VPS13C: variants seen among roughly 807,000 people sequenced by gnomAD.
VPS13C encodes vacuolar protein sorting 13 homolog C.
In VPS13C, 358 loss-of-function variants were observed where a neutral mutation model predicts 456.8. That is an observed-to-expected ratio of 0.78 (90% CI 0.72 to 0.86). The LOEUF (loss-of-function observed/expected upper bound fraction) is 0.86, where lower values mean the gene tolerates loss of function less well. Ranked by LOEUF, VPS13C falls within the 40% of genes least tolerant of loss-of-function variation. The pLI, the probability that VPS13C is intolerant of heterozygous loss-of-function variation, is 0.00. For missense variants in VPS13C, 4,818 were observed against 4,385.4 expected (o/e 1.10, Z -2.79); for synonymous variants, 1,578 against 1,486.7 (o/e 1.06, Z -1.41).
At chr15:62,031,624 TAA>T (rs1249431380) in intron 5 of VPS13C, among the ~76,000 whole-genome samples, 3 of 152,008 alleles carry the variant, frequency 2.0e-5, no homozygotes, top group African/African-American at 7.2e-5. Flanking sequence ...AACTGAGTGT[TAA>T]AAGAGTTTCA....
intron 66 of VPS13C, among the ~76,000 whole-genome samples, chr15:61,897,150 G>GA (rs1291982532): frequency 1.3e-5 from 2 of 152,088 alleles, no homozygotes; most frequent in Admixed American, 6.5e-5. Context: ...CAAAGATGGG[G>GA]AAAAAACAGA....
rs915231993 is a variant in VPS13C, at chr15:61,978,476, A to G, written c.2290+150T>C. 3.4e-6 allele frequency: 3 copies of G among 874,390 alleles called. No homozygotes were observed. The African/African-American group carries it at 5.2e-5, about 15-fold the overall frequency. The allele number at this position is 874,390 out of a possible 1,614,324, so 54.2% of individuals were successfully genotyped here. A position where few individuals can be genotyped will look rare whatever the true frequency, so the allele number is the denominator to read the frequency against. The stretch of plus-strand genomic sequence containing the variant: ...ATAAATGTTGTAGTAATTTACACTG[A>G]TAGTGTCCTACATGGTTTATTTAAG... On this transcript the variant is annotated intron_variant, in intron 23 of 84. Transcript: ENST00000644861.
In VPS13C at chr15:62,041,795, G is replaced by C. The variant is rs188384199; in HGVS notation, c.145-429C>G. Among the ~76,000 whole-genome samples the C allele has an allele frequency of 7.6e-4, 116 of 152,100 alleles. No individual in the cohort carries two copies. In the Middle Eastern group the frequency reaches 0.01, roughly 13 times the overall value. The stretch of plus-strand genomic sequence containing the variant: ...GGATCGCGCCACTGCACTCCAGCCT[G>C]GGTGACAAGACAAAACTCTGTCTCA... On this transcript the variant is annotated intron_variant, in intron 2 of 84. Coordinates refer to ENST00000644861, the MANE Select transcript of VPS13C (RefSeq NM_020821.3).
At chr15:61,961,565 T>A in intron 35 of VPS13C, 24 bp downstream of exon 35, 3 of 1,518,900 alleles carry the variant, frequency 2.0e-6, no homozygotes, top group South Asian at 1.3e-5. Context: ...AATATTTAAA[T>A]CCATAATTAT....
intron 50 of VPS13C, among the ~76,000 whole-genome samples, chr15:61,930,219 C>G (rs374636543): frequency 6.6e-6 from 1 of 152,200 alleles, no homozygotes; most frequent in East Asian, 1.9e-4. Context: ...CAATACAACT[C>G]AAATCATCAA....
chr15:62,030,910 A>G (rs528443488), intron 5 of VPS13C, among the ~76,000 whole-genome samples: 130 of 152,188 alleles, frequency 8.5e-4, no homozygotes, highest in African/African-American at 2.9e-3. Context: ...ATTTTGGCAA[A>G]ACTATTGATT....
chr15:61,925,351 T>C (rs2043813431), intron 53 of VPS13C, 105 bp downstream of exon 53: 1 of 549,636 alleles, frequency 1.8e-6, no homozygotes, highest in African/African-American at 1.9e-5. Flanking sequence ...ACTAGCATAA[T>C]GCTTGAGTTA....
rs28721460 is a variant in VPS13C at position 61,991,866 on chromosome 15, C to T, written c.1354-64G>A. The T allele has an allele frequency of 0.034, 50,845 of 1,516,984 alleles. 1,734 individuals are homozygous for T. Among genetic ancestry groups the T allele is most frequent in the African/African-American group, 0.17 (12,085 of 70,120 alleles). The allele number at this position is 1,516,984 out of a possible 1,614,324, so 94.0% of individuals were successfully genotyped here. A position where few individuals can be genotyped will look rare whatever the true frequency, so the allele number is the denominator to read the frequency against. On this transcript the variant is annotated intron_variant, in intron 16 of 84. Coordinates refer to ENST00000644861, the MANE Select transcript of VPS13C (RefSeq NM_020821.3). Reference sequence around the variant, plus strand: ...TGCCCTCTTCATTTTCAGGTGTAGCCTGGGAAAAAAAAACAATGGTTCTTT... The same window carrying T: ...TGCCCTCTTCATTTTCAGGTGTAGCTTGGGAAAAAAAAACAATGGTTCTTT...
At chr15:61,995,321 G>A (rs768895307) in intron 16 of VPS13C, among the ~76,000 whole-genome samples, 4 of 152,168 alleles carry the variant, frequency 2.6e-5, no homozygotes, top group Admixed American at 6.6e-5. Context: ...AGAGTGACCT[G>A]CACAAGACTG....
intron 52 of VPS13C, among the ~76,000 whole-genome samples, chr15:61,925,851 A>T (rs953900330): frequency 1.3e-5 from 2 of 152,230 alleles, no homozygotes; most frequent in Non-Finnish European, 2.9e-5. Flanking sequence ...TAGTTTTTAA[A>T]TGATGGCCTC....
intron 27 of VPS13C, among the ~76,000 whole-genome samples, chr15:61,971,021 C>T (rs542393629): frequency 6.6e-6 from 1 of 152,136 alleles, no homozygotes; most frequent in African/African-American, 2.4e-5. Flanking sequence ...TTTTCCAGTA[C>T]CTAAAATAAT....
At chr15:61,938,797 G>A (rs530100074) in intron 47 of VPS13C, among the ~76,000 whole-genome samples, 3 of 152,140 alleles carry the variant, frequency 2.0e-5, no homozygotes, top group South Asian at 2.1e-4. Flanking sequence ...CAGAAGCCCC[G>A]TGTGTACTTC....
At position 61,884,163 on chromosome 15, in the gene VPS13C, C is replaced by G. The variant is rs1423701715; in HGVS notation, c.9448G>C (p.Asp3150His). Residue 3150 changes from aspartate to histidine, a missense_variant, in exon 68 of 85, where the codon GAC becomes CAC. Asp to His is a moderately conservative substitution (Grantham distance 81). This residue lies in a region of VPS13C where 4,552 missense variants were observed against 4,130.6 expected (regional missense o/e 1.10). Coordinates refer to ENST00000644861, the MANE Select transcript of VPS13C (RefSeq NM_020821.3). ...QSYQKHQISRDHGWIKLDNNF... is the reference protein window; with the variant it reads ...QSYQKHQISRHHGWIKLDNNF... ...TTATCTAGCTTAATCCAGCCATGGT[C>G]TCTTGATATTTGATGTTTCTGATAG... 5.0e-6 allele frequency: 8 copies of G among 1,604,500 alleles called. No homozygotes were observed. The highest frequency in any genetic ancestry group is 6.8e-6 in the Non-Finnish European group (8 of 1,176,472).
chr15:61,979,891 G>A (rs989321497), intron 22 of VPS13C, among the ~76,000 whole-genome samples: 1 of 151,946 alleles, frequency 6.6e-6, no homozygotes, highest in African/African-American at 2.4e-5. Flanking sequence ...TATAATAAGA[G>A]ATGAAATATG....
At chr15:62,053,735 T>G (rs1458260940) in intron 1 of VPS13C, among the ~76,000 whole-genome samples, 2 of 152,192 alleles carry the variant, frequency 1.3e-5, no homozygotes, top group Non-Finnish European at 2.9e-5. Context: ...TTAAAGAGGT[T>G]TGCTCATTCC....
At chr15:62,049,993 A>C (rs1218443611) in intron 1 of VPS13C, among the ~76,000 whole-genome samples, 1 of 152,186 alleles carries the variant, frequency 6.6e-6, no homozygotes, top group Non-Finnish European at 1.5e-5. Context: ...CAGCTTAAGG[A>C]AATTTTGGGC....
intron 14 of VPS13C, among the ~76,000 whole-genome samples, chr15:62,008,446 G>A (rs1596469907): frequency 6.6e-6 from 1 of 151,864 alleles, no homozygotes; most frequent in African/African-American, 2.4e-5. Flanking sequence ...ACAAGTGGAT[G>A]TTCATATGAA....
chr15:61,906,557 C>G (rs1203139981), intron 66 of VPS13C: 4 of 152,394 alleles, frequency 2.6e-5, no homozygotes, highest in Non-Finnish European at 4.4e-5. Flanking sequence ...AACTACTGGC[C>G]AATTACCATT....
At chr15:61,950,788 T>C (rs957659140) in intron 40 of VPS13C, among the ~76,000 whole-genome samples, 157 bp downstream of exon 40, 1 of 151,984 alleles carries the variant, frequency 6.6e-6, no homozygotes, top group Non-Finnish European at 1.5e-5. Context: ...AGAAGGTTAA[T>C]GAAAGTATCC....
Sources: allele counts gnomAD v4.1 joint callset (sites outside exome capture counted in the v4.1 genomes callset), GRCh38; gene constraint gnomAD v4.1.1; regional missense constraint gnomAD v4.1.1; transcripts MANE v1.5; gene names NCBI Gene and HGNC (gene_info 2026-07-23, HGNC 2026-07-21).